TBC1D21: variants seen among roughly 807,000 people sequenced by gnomAD.
The protein encoded by TBC1D21 is male germ cell Rab GTPase-activating protein.
In TBC1D21, 38 loss-of-function variants were observed where a neutral mutation model predicts 46.0. The observed-to-expected ratio is 0.83, with a 90% CI of 0.64 to 1.08. The LOEUF (loss-of-function observed/expected upper bound fraction) is 1.08. TBC1D21 is among the 50% of genes least tolerant of loss of function. The probability of loss-of-function intolerance (pLI) is 0.00; values close to 1 mark genes in which losing one functional copy is unlikely to be tolerated. For synonymous variants in TBC1D21, 151 were observed against 157.2 expected, an observed-to-expected ratio of 0.96 and a Z score of 0.29; for missense variants, 415 against 417.9, an observed-to-expected ratio of 0.99 and a Z score of 0.06.
intron 3 of TBC1D21, among the ~76,000 whole-genome samples, chr15:73,883,402 T>G (rs1056059165): frequency 2.4e-4 from 36 of 152,218 alleles, no homozygotes; most frequent in Admixed American, 2.4e-3. Flanking sequence ...ATCAAGGTGT[T>G]GGCTCCTTCC....
chr15:73,907,831 CCTCA>C, the TBC1D21 span, among the ~76,000 whole-genome samples: 6,285 of 152,236 alleles, frequency 0.041, 170 homozygotes, highest in Non-Finnish European at 0.066. Flanking sequence ...CTTCCCTGAG[CCTCA>C]CTGTCTTCAT....
chr15:73,903,657 T>C, the TBC1D21 span, among the ~76,000 whole-genome samples: 2 of 152,192 alleles, frequency 1.3e-5, no homozygotes, highest in South Asian at 2.1e-4. Flanking sequence ...CTCTCCTCAA[T>C]GCCAATAAGA....
chr15:73,873,705 G>T lies in TBC1D21; in HGVS notation c.-5G>T, dbSNP rs765761001. 8.7e-6 allele frequency: 14 copies of T among 1,604,528 alleles called. No homozygotes were observed. Among genetic ancestry groups the T allele is most frequent in the Non-Finnish European group, 1.2e-5 (14 of 1,174,498 alleles). ...TCAGAGGCTGTTCGGAAGACAGCAG[G>T]GGCCATGACCACCCTCTCTCCTGAA... On this transcript the variant is annotated 5_prime_UTR_variant, in exon 1 of 11. Coordinates refer to ENST00000300504, the MANE Select transcript of TBC1D21 (RefSeq NM_153356.3).
chr15:73,890,431 T>C (rs913276856), downstream of TBC1D21, among the ~76,000 whole-genome samples: 2 of 152,192 alleles, frequency 1.3e-5, no homozygotes, highest in African/African-American at 2.4e-5. Flanking sequence ...GGCACATGGG[T>C]CAATTCATAT....
chr15:73,898,880 A>AAAAAAAATATATATATAT, the TBC1D21 span, among the ~76,000 whole-genome samples: 42 of 56,762 alleles, frequency 7.4e-4, no homozygotes, highest in Non-Finnish European at 8.7e-4. Flanking sequence ...AAAAAAAAAA[A>AAAAAAAATATATATATAT]ATATATATAT....
chr15:73,898,880 A>AAAAAAAGAAT, the TBC1D21 span, among the ~76,000 whole-genome samples: 1 of 56,778 alleles, frequency 1.8e-5, no homozygotes, highest in Non-Finnish European at 3.8e-5. Flanking sequence ...AAAAAAAAAA[A>AAAAAAAGAAT]ATATATATAT....
the TBC1D21 span, among the ~76,000 whole-genome samples, chr15:73,896,239 A>G: frequency 1.3e-5 from 2 of 152,078 alleles, no homozygotes; most frequent in African/African-American, 4.8e-5. Context: ...TCTGCAGATG[A>G]AGTGGAGATG....
intron 10 of TBC1D21, 143 bp downstream of exon 10, chr15:73,888,656 C>T: frequency 1.5e-6 from 1 of 687,430 alleles, no homozygotes; most frequent in Non-Finnish European, 2.6e-6. Flanking sequence ...TCCTCCTCCT[C>T]TTCTTCCTCC....
At chr15:73,906,151 G>C in the TBC1D21 span, among the ~76,000 whole-genome samples, 4 of 152,144 alleles carry the variant, frequency 2.6e-5, no homozygotes, top group Admixed American at 6.5e-5. Context: ...CTTCTAAATA[G>C]AGAAAAGTTT....
At chr15:73,886,429 T>A (rs1383139373) in intron 7 of TBC1D21, 83 bp from the exon 8 acceptor site, 1 of 1,245,470 alleles carries the variant, frequency 8.0e-7, no homozygotes, top group Admixed American at 1.8e-5. Context: ...TTTTGCAGGC[T>A]CTGTAGTTTG....
At chr15:73,875,292 G>C (rs1340947891) in intron 1 of TBC1D21, among the ~76,000 whole-genome samples, 3 of 137,162 alleles carry the variant, frequency 2.2e-5, no homozygotes, top group Non-Finnish European at 4.8e-5. Context: ...AAGGAAGGAA[G>C]GAGGGAAGGA....
At chr15:73,900,376 T>A in the TBC1D21 span, among the ~76,000 whole-genome samples, 2 of 152,214 alleles carry the variant, frequency 1.3e-5, no homozygotes, top group Non-Finnish European at 2.9e-5. Flanking sequence ...CATGTAACCA[T>A]GCACGGCAGT....
the TBC1D21 span, among the ~76,000 whole-genome samples, chr15:73,909,499 T>C: frequency 2.0e-5 from 3 of 152,050 alleles, no homozygotes; most frequent in African/African-American, 7.2e-5. Context: ...AAGGACAGAG[T>C]TTCATCAGGG....
intron 6 of TBC1D21, among the ~76,000 whole-genome samples, chr15:73,885,654 C>G (rs926507630): frequency 2.6e-5 from 4 of 151,674 alleles, no homozygotes; most frequent in African/African-American, 4.8e-5. Context: ...GCCCAGAACC[C>G]TCCCTCATCC....
intron 10 of TBC1D21, 120 bp from the exon 11 acceptor site, chr15:73,888,947 CCT>C: frequency 8.5e-7 from 1 of 1,176,694 alleles, no homozygotes. Flanking sequence ...TCCCCCATTC[CCT>C]GTGTCCATCC....
At position 73,881,631 on chromosome 15, in the gene TBC1D21, A is replaced by G; in HGVS notation, c.169-13A>G. On this transcript the variant is annotated splice_polypyrimidine_tract_variant and intron_variant, in intron 2 of 10. Coordinates refer to ENST00000300504, the MANE Select transcript of TBC1D21 (RefSeq NM_153356.3). Reference sequence around the variant, plus strand: ...ATAGAGCCCATGACCTCCACCTCCCACCCCCACCCCAGGGTCTGCACCCCT... The same window carrying G: ...ATAGAGCCCATGACCTCCACCTCCCGCCCCCACCCCAGGGTCTGCACCCCT... The G allele has an allele frequency of 6.4e-7, 1 of 1,565,274 alleles. No individual in the cohort carries two copies. Among genetic ancestry groups the G allele is most frequent in the Non-Finnish European group, 8.8e-7 (1 of 1,140,332 alleles).
At chr15:73,892,102 C>T (rs2068342059), downstream of TBC1D21, among the ~76,000 whole-genome samples, 1 of 152,188 alleles carries the variant, frequency 6.6e-6, no homozygotes, top group Admixed American at 6.5e-5. Context: ...CACTTCCTCC[C>T]CTCTGAAGCC....
rs770069787 is a variant in TBC1D21, at chr15:73,888,501, C to T, written c.966C>T (p.Leu322=). The T allele has an allele frequency of 5.0e-6, 8 of 1,613,940 alleles. No homozygotes were observed. The highest frequency in any genetic ancestry group is 1.6e-4 in the Middle Eastern group (1 of 6,082). Residue 322 remains leucine (L), a synonymous_variant, in exon 10 of 11, where the codon CTC becomes CTT. Transcript: ENST00000300504. ...ISAACVVYAE[L]IQKDVPQTLK... Reference sequence around the variant, plus strand: ...CCGCCTGCGTGGTTTATGCTGAGCTCATCCAGAAGGATGTAAGTTGCCCCA... The same window carrying T: ...CCGCCTGCGTGGTTTATGCTGAGCTTATCCAGAAGGATGTAAGTTGCCCCA...
At chr15:73,907,452 A>G in the TBC1D21 span, among the ~76,000 whole-genome samples, 23 of 152,350 alleles carry the variant, frequency 1.5e-4, no homozygotes, top group East Asian at 3.5e-3. Flanking sequence ...ACCAAATCTT[A>G]GCTTGACCAC....
Sources: gnomAD v4.1 joint callset for allele counts (sites outside exome capture counted in the v4.1 genomes callset) on GRCh38, gnomAD v4.1.1 for gene constraint, MANE v1.5 for transcripts, NCBI Gene and HGNC (gene_info 2026-07-23, HGNC 2026-07-21) for gene names.